The following SCN7A variants were observed in gnomAD, a reference collection of about 807,000 sequenced individuals.
SCN7A encodes the protein sodium channel protein type 7 subunit alpha.
SCN7A carries 138 observed loss-of-function variants against 155.2 expected under a neutral mutation model. The observed-to-expected ratio is 0.89, with a 90% CI of 0.77 to 1.02. The LOEUF (loss-of-function observed/expected upper bound fraction) is 1.02, where lower values mean the gene tolerates loss of function less well. Ranked by LOEUF, SCN7A falls within the 50% of genes least tolerant of loss-of-function variation. The probability of loss-of-function intolerance (pLI) is 0.00; values close to 1 mark genes in which losing one functional copy is unlikely to be tolerated. For missense variants in SCN7A, 2,058 were observed against 1,986.6 expected, an observed-to-expected ratio of 1.04 and a Z score of -0.68; for synonymous variants, 693 against 649.0, an observed-to-expected ratio of 1.07 and a Z score of -1.03.
chr2:166,451,582 C>CT (rs372548829), intron 11 of SCN7A, among the ~76,000 whole-genome samples: 70 of 152,280 alleles, frequency 4.6e-4, no homozygotes, highest in African/African-American at 1.6e-3. Flanking sequence ...ACCTGAATAT[C>CT]TGACAAGTTT....
intron 11 of SCN7A, 54 bp from the exon 12 acceptor site, chr2:166,447,762 A>T (rs1232969073): frequency 7.7e-7 from 1 of 1,301,020 alleles, no homozygotes; most frequent in Non-Finnish European, 1.1e-6. Context: ...CAGGTCCAAG[A>T]CTATAAGAAG....
rs188181319 is a variant in SCN7A, at chr2:166,443,740, C to T, written c.1627-64G>A. On this transcript the variant is annotated intron_variant, in intron 13 of 25. Transcript: ENST00000643258. ...CAATAGCTGTATCAGAATCTTCACA[C>T]ACAAAATCTGTGACACACACTGTTT... The T allele has an allele frequency of 3.6e-4, 431 of 1,211,332 alleles. 2 individuals carry two copies. In the African/African-American group the frequency reaches 5.8e-3, roughly 16 times the overall value. 75.0% of individuals were successfully genotyped at this position (1,211,332 alleles called of 1,614,324 possible). A position where few individuals can be genotyped will look rare whatever the true frequency, so the allele number is the denominator to read the frequency against.
chr2:166,410,336 A>G lies in SCN7A; in HGVS notation c.3607-12T>C, dbSNP rs958811602. 3 of 1,507,762 alleles carry G rather than the reference A, an allele frequency of 2.0e-6. No homozygotes were observed. The highest frequency in any genetic ancestry group is 1.4e-5 in the African/African-American group (1 of 71,214). The allele number at this position is 1,507,762 out of a possible 1,614,324, so 93.4% of individuals were successfully genotyped here. On this transcript the variant is annotated splice_polypyrimidine_tract_variant and intron_variant, in intron 23 of 25. Coordinates refer to ENST00000643258, the MANE Select transcript of SCN7A (RefSeq NM_002976.4). ...TTTGAGCCTCCCAGGTAAAGAAAGG[A>G]AAGAAAAATATATTAAAATCACACT...
At chr2:166,443,433 C>G (rs747319046) in intron 14 of SCN7A, 70 bp downstream of exon 14, 10 of 1,327,110 alleles carry the variant, frequency 7.5e-6, no homozygotes, top group Non-Finnish European at 1.0e-5. Context: ...TTACTGTAAC[C>G]CCATTTTATG....
intron 10 of SCN7A, among the ~76,000 whole-genome samples, chr2:166,460,428 C>T (rs1290861507): frequency 6.6e-6 from 1 of 152,048 alleles, no homozygotes; most frequent in Non-Finnish European, 1.5e-5. Flanking sequence ...GACAAAAATA[C>T]TTATTTTTTT....
intron 2 of SCN7A, among the ~76,000 whole-genome samples, chr2:166,480,178 C>A (rs1702887828): frequency 6.6e-6 from 1 of 152,162 alleles, no homozygotes; most frequent in Non-Finnish European, 1.5e-5. Context: ...GCCTTTCAGG[C>A]CGCGCAGGGT....
chr2:166,470,994 T>C (rs867897573), intron 6 of SCN7A, among the ~76,000 whole-genome samples: 51 of 152,050 alleles, frequency 3.4e-4, no homozygotes, highest in Middle Eastern at 3.4e-3. Context: ...ATAAATCTTT[T>C]ATCTAATTAC....
At chr2:166,421,563 T>G (rs1701512250) in intron 19 of SCN7A, among the ~76,000 whole-genome samples, 1 of 152,020 alleles carries the variant, frequency 6.6e-6, no homozygotes, top group African/African-American at 2.4e-5. Context: ...AAATAAAAGT[T>G]GTATATTTTA....
intron 11 of SCN7A, among the ~76,000 whole-genome samples, chr2:166,450,489 A>C (rs74341820): frequency 6.6e-6 from 1 of 151,464 alleles, no homozygotes; most frequent in East Asian, 1.9e-4. Context: ...AAAGAAATTT[A>C]AAAAAAAAGT....
chr2:166,472,291 T>C (rs1485510053), intron 6 of SCN7A, 26 bp downstream of exon 6: 18 of 1,564,498 alleles, frequency 1.2e-5, no homozygotes, highest in Non-Finnish European at 5.2e-6. Flanking sequence ...AACATTAAAA[T>C]AGACTCAATT....
At position 166,470,697 on chromosome 2, in the gene SCN7A, T is replaced by C. The variant is rs200690848; in HGVS notation, c.582A>G (p.Ile194Met). 17 of 1,606,774 alleles carry C rather than the reference T, an allele frequency of 1.1e-5. No individual in the cohort carries two copies. In the East Asian group the frequency reaches 3.6e-4, roughly 34 times the overall value. ...DFSVTVFEVI[I>M]RYSPLDFIPT... is the part of the protein sequence containing the mutation. ...GAATGAAGTCCAGAGGTGAGTATCT[T>C]ATAATAACCCTGTGGAATTAAATTA... Residue 194 changes from isoleucine to methionine, a missense_variant, in exon 7 of 26, where the codon ATA (isoleucine) becomes ATG (methionine). Ile to Met is a conservative substitution (Grantham distance 10). Coordinates refer to ENST00000643258, the MANE Select transcript of SCN7A (RefSeq NM_002976.4).
At chr2:166,450,870 A>C (rs1260790666) in intron 11 of SCN7A, among the ~76,000 whole-genome samples, 1 of 152,148 alleles carries the variant, frequency 6.6e-6, no homozygotes, top group Non-Finnish European at 1.5e-5. Context: ...TTCTTAGCTG[A>C]ACTATAAGAT....
At chr2:166,407,866 C>T (rs1701108997) in intron 25 of SCN7A, among the ~76,000 whole-genome samples, 2 of 151,890 alleles carry the variant, frequency 1.3e-5, no homozygotes, top group African/African-American at 2.4e-5. Flanking sequence ...TAAGTTCCTT[C>T]CCCTCACGCC....
chr2:166,437,688 G>T (rs995426627), intron 15 of SCN7A, among the ~76,000 whole-genome samples: 1 of 152,190 alleles, frequency 6.6e-6, no homozygotes, highest in African/African-American at 2.4e-5. Context: ...CAAGGCCATG[G>T]GAACCCACCT....
intron 9 of SCN7A, 89 bp downstream of exon 9, chr2:166,465,373 A>G (rs1702505708): frequency 2.2e-6 from 2 of 910,522 alleles, no homozygotes; most frequent in African/African-American, 1.7e-5. Context: ...ATACAATCAA[A>G]TGGGAAGCAA....
chr2:166,482,554 G>T lies in SCN7A; in HGVS notation c.-15+4302C>A, dbSNP rs532765720. 5.9e-5 allele frequency among the ~76,000 whole-genome samples: 9 copies of T among 151,908 alleles called. 1 individual carries two copies. In the South Asian group the frequency reaches 1.9e-3, roughly 32 times the overall value. ...CTCATATATCTCACAAGGTTTTAAA[G>T]ATTAAATCAAACCACAAAGAAATCC... On this transcript the variant is annotated intron_variant, in intron 2 of 25. Transcript: ENST00000643258.
In SCN7A at chr2:166,406,195, A is replaced by T; in HGVS notation, c.4434T>A (p.Ser1478Arg). 1 of 1,612,926 alleles carries T rather than the reference A, an allele frequency of 6.2e-7. No individual in the cohort carries two copies. Among genetic ancestry groups the T allele is most frequent in the South Asian group, 1.1e-5 (1 of 91,038 alleles). ...NPSVGIFYFV[S>R]YILISWLIIV... ...TGATCAGCCATGATATGAGGATATA[A>T]CTGACAAAATAAAAAATCCCAACAG... Residue 1478 changes from serine to arginine, a missense_variant, in exon 26 of 26, where the codon AGT (serine) becomes AGA (arginine). Coordinates refer to ENST00000643258, the MANE Select transcript of SCN7A (RefSeq NM_002976.4).
intron 1 of SCN7A, among the ~76,000 whole-genome samples, chr2:166,488,274 T>C (rs1703096532): frequency 6.6e-6 from 1 of 152,234 alleles, no homozygotes; most frequent in South Asian, 2.1e-4. Flanking sequence ...GCAGGGCCTT[T>C]TCCCTTAGAG....
chr2:166,421,283 G>A lies in SCN7A; in HGVS notation c.3042C>T (p.Ser1014=), dbSNP rs1255860515. 1 of 1,516,790 alleles carries A rather than the reference G, an allele frequency of 6.6e-7. No individual in the cohort carries two copies. The highest frequency in any genetic ancestry group is 2.2e-5 in the Admixed American group (1 of 45,220). The allele number at this position is 1,516,790 out of a possible 1,614,324, so 94.0% of individuals were successfully genotyped here. Residue 1014 remains serine, a synonymous_variant, in exon 20 of 26, where the codon AGC becomes AGT. Transcript: ENST00000643258. ...GTTCTTCCCGAGTTTTGCCTATTAA[G>A]CTAAGACAAAACACCTATATATTTT... ...DFVVVIVFCL[S]LIGKTREELK... is the part of the protein sequence containing the mutation.
Sources: allele counts gnomAD v4.1 joint callset (sites outside exome capture counted in the v4.1 genomes callset), GRCh38; gene constraint gnomAD v4.1.1; transcripts MANE v1.5; gene names NCBI Gene and HGNC (gene_info 2026-07-23, HGNC 2026-07-21).